Variants in NLGN4X observed in about 807,000 individuals in gnomAD.
The protein encoded by NLGN4X is neuroligin 4 X-linked, also known as neuroligin-4, X-linked.
Under a neutral mutation model 40.3 loss-of-function variants are expected in NLGN4X, and 3 were observed. That is an observed-to-expected ratio of 0.07 (90% confidence interval 0.03 to 0.19). The LOEUF (loss-of-function observed/expected upper bound fraction) is 0.19. Ranked by LOEUF, NLGN4X falls within the 10% of genes least tolerant of loss-of-function variation. The pLI is 1.00. For missense variants in NLGN4X, 382 were observed against 708.3 expected, an observed-to-expected ratio of 0.54 and a Z score of 5.23; for synonymous variants, 270 against 306.8, an observed-to-expected ratio of 0.88 and a Z score of 1.25.
At chrX:6,019,342 T>C (rs948642901) in intron 3 of NLGN4X, among the ~76,000 whole-genome samples, 2 of 111,951 alleles carry the variant, frequency 1.8e-5, no homozygotes, top group Non-Finnish European at 1.9e-5. Flanking sequence ...CCAGAATATG[T>C]GTAGTAGTCT....
At chrX:6,005,782 A>G (rs1303868517) in intron 3 of NLGN4X, among the ~76,000 whole-genome samples, 3 of 111,221 alleles carry the variant, frequency 2.7e-5, no homozygotes, top group Non-Finnish European at 5.7e-5. Flanking sequence ...GAAGTCTGTC[A>G]ACACACCTGG....
At chrX:6,099,712 G>T (rs2038864076) in intron 2 of NLGN4X, among the ~76,000 whole-genome samples, 1 of 112,530 alleles carries the variant, frequency 8.9e-6, no homozygotes, top group African/African-American at 3.2e-5. Context: ...AGGAGGCAAA[G>T]GATGCTGGAA....
intron 1 of NLGN4X, among the ~76,000 whole-genome samples, chrX:6,225,689 C>CTTT (rs749574818): frequency 5.5e-3 from 148 of 26,775 alleles, no homozygotes; most frequent in South Asian, 0.02. Context: ...TTCTTTTTTT[C>CTTT]TTTTTTTTTT....
chrX:6,110,361 AG>A (rs941033642), intron 2 of NLGN4X, among the ~76,000 whole-genome samples: 22 of 110,888 alleles, frequency 2.0e-4, no homozygotes, highest in African/African-American at 6.6e-4. Context: ...ACAGACAGTA[AG>A]TACCCCTTGC....
At chrX:5,997,040 T>G (rs1213641374) in intron 3 of NLGN4X, among the ~76,000 whole-genome samples, 1 of 111,005 alleles carries the variant, frequency 9.0e-6, no homozygotes, top group Non-Finnish European at 1.9e-5. Flanking sequence ...GATTAGCTAA[T>G]GCGGTCGGAA....
At chrX:6,183,480 G>C (rs895125848) in intron 1 of NLGN4X, among the ~76,000 whole-genome samples, 1 of 110,501 alleles carries the variant, frequency 9.0e-6, no homozygotes, top group Non-Finnish European at 1.9e-5. Flanking sequence ...ACGGGAGGCG[G>C]AGTTTGCAGT....
At chrX:5,991,273 C>A in intron 3 of NLGN4X, 5 of 272,778 alleles carry the variant, frequency 1.8e-5, no homozygotes, top group Non-Finnish European at 2.0e-5. Context: ...CCCAAAGGAA[C>A]AATATCCAAT....
At chrX:5,929,374 G>A (rs1304730650) in intron 3 of NLGN4X, among the ~76,000 whole-genome samples, 1 of 111,462 alleles carries the variant, frequency 9.0e-6, no homozygotes, top group East Asian at 2.8e-4. Context: ...GGCTGAGACA[G>A]GAGAATCACT....
chrX:6,200,687 C>CTTTTTTTTTTTTCTT (rs1923515072), intron 1 of NLGN4X, among the ~76,000 whole-genome samples: 20 of 55,575 alleles, frequency 3.6e-4, no homozygotes, highest in Non-Finnish European at 5.5e-4. Flanking sequence ...CTTTCCTTTT[C>CTTTTTTTTTTTTCTT]TTTTTTTTTT....
At chrX:5,907,393 C>T (rs929236868) in intron 4 of NLGN4X, among the ~76,000 whole-genome samples, 5 of 111,630 alleles carry the variant, frequency 4.5e-5, no homozygotes, top group East Asian at 5.7e-4. Flanking sequence ...CACAAAGGGA[C>T]AGCTGGGAAT....
chrX:6,193,677 C>T (rs1018062576), intron 1 of NLGN4X, among the ~76,000 whole-genome samples: 1 of 111,384 alleles, frequency 9.0e-6, no homozygotes, highest in African/African-American at 3.3e-5. Context: ...AGCACCTACA[C>T]ACATGCATGG....
chrX:5,954,845 A>G (rs2034441397), intron 3 of NLGN4X, among the ~76,000 whole-genome samples: 1 of 110,949 alleles, frequency 9.0e-6, no homozygotes, highest in Non-Finnish European at 1.9e-5. Flanking sequence ...ACATGTTTCT[A>G]TGACAGTAAG....
chrX:5,990,082 CT>C (rs2035640645), intron 3 of NLGN4X, among the ~76,000 whole-genome samples: 1 of 44,096 alleles, frequency 2.3e-5, no homozygotes, highest in Non-Finnish European at 4.2e-5. Context: ...ATTTTCCTCT[CT>C]CTCTCTCTCT....
chrX:6,183,463 C>G (rs1921693723), intron 1 of NLGN4X, among the ~76,000 whole-genome samples: 1 of 110,514 alleles, frequency 9.0e-6, no homozygotes, highest in East Asian at 2.8e-4. Flanking sequence ...AGGAGATATG[C>G]ATGAACACGG....
At chrX:5,975,472 G>A (rs1261721926) in intron 3 of NLGN4X, among the ~76,000 whole-genome samples, 1 of 109,697 alleles carries the variant, frequency 9.1e-6, no homozygotes, top group South Asian at 4.0e-4. Flanking sequence ...AATTAGCCAG[G>A]CATAGTGGTG....
chrX:6,021,020 C>T (rs1245319854), intron 3 of NLGN4X, among the ~76,000 whole-genome samples: 2 of 19,608 alleles, frequency 1.0e-4, no homozygotes, highest in Non-Finnish European at 2.0e-4. Flanking sequence ...CTCTCTCTCT[C>T]TCTCTCTCTC....
intron 2 of NLGN4X, among the ~76,000 whole-genome samples, chrX:6,138,899 C>CA (rs386416539): frequency 0.05 from 5,168 of 103,585 alleles, 131 homozygotes; most frequent in Non-Finnish European, 0.078. Context: ...TAAAGCAAAA[C>CA]AAAAAAAAAA....
chrX:6,063,238 G>A (rs1197201498), intron 2 of NLGN4X, among the ~76,000 whole-genome samples: 1 of 111,931 alleles, frequency 8.9e-6, no homozygotes, highest in Non-Finnish European at 1.9e-5. Context: ...AATTTAGGGG[G>A]CCAAGGAGGG....
chrX:6,221,391 T>TTTTATATATATATATATA (rs1491106130), intron 1 of NLGN4X, among the ~76,000 whole-genome samples: 1 of 53,345 alleles, frequency 1.9e-5, no homozygotes, highest in African/African-American at 7.5e-5. Context: ...CCTTCTTATA[T>TTTTATATATATATATATA]TATATATATA....
Sources: gnomAD v4.1 joint callset for allele counts (sites outside exome capture counted in the v4.1 genomes callset) on GRCh38, gnomAD v4.1.1 for gene constraint, MANE v1.5 for transcripts, NCBI Gene and HGNC (gene_info 2026-07-23, HGNC 2026-07-21) for gene names.